SLC25A22: variants seen among roughly 807,000 people sequenced by gnomAD.
The protein encoded by SLC25A22 is mitochondrial glutamate carrier 1.
SLC25A22 carries 23 observed loss-of-function variants against 33.7 expected under a neutral mutation model. The ratio of observed to expected loss-of-function variants is 0.68; its 90% confidence interval spans 0.49 to 0.97. The LOEUF is 0.97. Ranked by LOEUF, SLC25A22 falls within the 50% of genes least tolerant of loss-of-function variation. The pLI is 0.00. For missense variants in SLC25A22, 390 were observed against 451.1 expected, an observed-to-expected ratio of 0.86 and a Z score of 1.23; for synonymous variants, 245 against 203.8, an observed-to-expected ratio of 1.20 and a Z score of -1.72.
In SLC25A22 at chr11:794,568, G is replaced by A. The variant is rs577754220; in HGVS notation, c.147-55C>T. On this transcript the variant is annotated intron_variant, in intron 3 of 9. Transcript: ENST00000628067. ...GCCAGCTGGGGCCAGCCGGAGGCCA[G>A]GGTCCCTGGACTGTCTAGGGCTGAT... is the stretch of plus-strand genomic sequence containing the variant. 8.8e-6 allele frequency: 14 copies of A among 1,596,044 alleles called. No individual in the cohort carries two copies. In the East Asian group the frequency reaches 3.2e-4, roughly 36 times the overall value.
chr11:793,365 C>A, intron 5 of SLC25A22, 164 bp downstream of exon 5: 1 of 700,984 alleles, frequency 1.4e-6, no homozygotes, highest in Non-Finnish European at 2.5e-6. Context: ...GCTTTGCTCC[C>A]CTGGTCAGGG....
rs1372653710 is a variant in SLC25A22 at position 793,618 on chromosome 11, T to C, written c.204A>G (p.Gly68=). 6 of 1,606,832 alleles carry C rather than the reference T, an allele frequency of 3.7e-6. No individual in the cohort carries two copies. The East Asian group carries it at 1.1e-4, about 30-fold the overall frequency. ...RSEGYFGMYR[G]AAVNLTLVTP... ...TGACGAGGGTCAAGTTCACAGCAGC[T>C]CCTGTGGGGCAGGGGGTCAGCTGGG... Residue 68 remains glycine, a splice_region_variant and synonymous_variant, in exon 5 of 10, where the codon GGA becomes GGG. Transcript: ENST00000628067.
At position 798,081 on chromosome 11, in the gene SLC25A22, AC is replaced by A. The variant is rs1312807369; in HGVS notation, c.-164+135del. On this transcript the variant is annotated intron_variant, in intron 1 of 9. Transcript: ENST00000628067. ...GGATCGGAGCATCCGCTGGTCCAGG[AC>A]CCCCCCTCCCGCCCGCCAGGCCACG... The A allele has an allele frequency of 6.6e-5, 26 of 394,224 alleles. No individual in the cohort carries two copies. The South Asian group carries it at 2.2e-3, about 34-fold the overall frequency. The allele number at this position is 394,224 out of a possible 1,614,324, so 24.4% of individuals were successfully genotyped here. A position where few individuals can be genotyped will look rare whatever the true frequency, so the allele number is the denominator to read the frequency against.
chr11:795,102 C>A lies in SLC25A22; in HGVS notation c.-96G>T. The A allele has an allele frequency of 2.1e-6, 3 of 1,435,714 alleles. No homozygotes were observed. The highest frequency in any genetic ancestry group is 5.0e-5 in the East Asian group (2 of 40,384). 88.9% of individuals were successfully genotyped at this position (1,435,714 alleles called of 1,614,324 possible). The stretch of plus-strand genomic sequence containing the variant: ...GAGGAGGCCTTGAGGGAGGGTGGGA[C>A]CCAGGGGGGTTGGGTGGTGCTCCAC... On this transcript the variant is annotated 5_prime_UTR_variant, in exon 2 of 10. Transcript: ENST00000628067.
Position 792,649 on chromosome 11 carries a change from G to A in SLC25A22, c.491C>T (p.Ala164Val), listed in dbSNP as rs1457453307. 1 of 1,579,064 alleles carries A rather than the reference G, an allele frequency of 6.3e-7. No individual in the cohort carries two copies. Among genetic ancestry groups the A allele is most frequent in the Admixed American group, 1.8e-5 (1 of 55,096 alleles). Residue 164 changes from alanine to valine, a missense_variant, in exon 7 of 10, where the codon GCT becomes GTT. Physicochemically the swap from Ala to Val is moderately conservative, Grantham distance 64 (BLOSUM62 0). Coordinates refer to ENST00000628067, the MANE Select transcript of SLC25A22 (RefSeq NM_001191061.2). ...CTGGGTGGCCGTGGGCCGAGGGGCA[G>A]CTGGAGCCTCCACTGAGGGCTGGGC... ...GGAQPSVEAP[A>V]APRPTATQLT... is the part of the protein sequence containing the mutation.
At chr11:794,325 C>G in intron 4 of SLC25A22, 133 bp downstream of exon 4, 1 of 1,060,090 alleles carries the variant, frequency 9.4e-7, no homozygotes, top group Non-Finnish European at 1.4e-6. Context: ...GGCACAGCCC[C>G]CACAAACACG....
At chr11:794,068 G>C in intron 4 of SLC25A22, 1 of 508,916 alleles carries the variant, frequency 2.0e-6, no homozygotes, top group Non-Finnish European at 3.7e-6. Flanking sequence ...CAGGGCTGGA[G>C]AGCTTCTGCC....
Position 791,837 on chromosome 11 carries a change from C to T in SLC25A22, c.*78G>A, listed in dbSNP as rs1864535330. ...AGGGCTGGGGAGGGGTCTTCCCTTG[C>T]TCCGTCCTGGGCTAGCTGCCTGGCT... On this transcript the variant is annotated 3_prime_UTR_variant, in exon 10 of 10. Transcript: ENST00000628067. 1.3e-6 allele frequency: 2 copies of T among 1,498,422 alleles called. No individual in the cohort carries two copies. The highest frequency in any genetic ancestry group is 2.1e-5 in the Admixed American group (1 of 48,320). 92.8% of individuals were successfully genotyped at this position (1,498,422 alleles called of 1,614,324 possible). A position where few individuals can be genotyped will look rare whatever the true frequency, so the allele number is the denominator to read the frequency against.
chr11:795,160 C>A lies in SLC25A22; in HGVS notation c.-154G>T. The A allele has an allele frequency of 1.1e-6, 1 of 885,430 alleles. No homozygotes were observed. The highest frequency in any genetic ancestry group is 1.8e-6 in the Non-Finnish European group (1 of 555,254). 54.8% of individuals were successfully genotyped at this position (885,430 alleles called of 1,614,324 possible). A position where few individuals can be genotyped will look rare whatever the true frequency, so the allele number is the denominator to read the frequency against. ...GGAATTTCCAGGCGTCAGCAACCGC[C>A]ACTTCTGTCCTAGAAGGATGAGGGA... On this transcript the variant is annotated 5_prime_UTR_variant, in exon 2 of 10. Transcript: ENST00000628067.
chr11:794,473 A>G lies in SLC25A22; in HGVS notation c.187T>C (p.Phe63Leu). ...LIKTVRSEGY[F>L]GMYRGAAVNL... is the part of the protein sequence containing the mutation. ...CAAACCTCACCCCGGTACATGCCGA[A>G]GTAGCCCTCGGAGCGGACGGTCTTG... The change falls in exon 4 of 10, where the codon TTC (phenylalanine) becomes CTC (leucine). Residue 63 changes from phenylalanine to leucine, a missense_variant. Physicochemically the swap from Phe to Leu is conservative, Grantham distance 22. Transcript: ENST00000628067. 1.2e-6 allele frequency: 2 copies of G among 1,613,062 alleles called. No homozygotes were observed. The highest frequency in any genetic ancestry group is 1.7e-6 in the Non-Finnish European group (2 of 1,179,886).
At position 791,775 on chromosome 11, in the gene SLC25A22, A is replaced by G; in HGVS notation, c.*140T>C. Reference sequence around the variant, plus strand: ...GCTTGCGTGTGCACCACCTATGTGGACCCTGCACCCTGCCCCCTGCTGCCC... The same window carrying G: ...GCTTGCGTGTGCACCACCTATGTGGGCCCTGCACCCTGCCCCCTGCTGCCC... On this transcript the variant is annotated 3_prime_UTR_variant, in exon 10 of 10. Transcript: ENST00000628067. 1 of 1,200,834 alleles carries G rather than the reference A, an allele frequency of 8.3e-7. No individual in the cohort carries two copies. Among genetic ancestry groups the G allele is most frequent in the Non-Finnish European group, 1.1e-6 (1 of 880,194 alleles). The allele number at this position is 1,200,834 out of a possible 1,614,324, so 74.4% of individuals were successfully genotyped here. A position where few individuals can be genotyped will look rare whatever the true frequency, so the allele number is the denominator to read the frequency against.
chr11:795,367 TCC>T (rs1361777569), intron 1 of SLC25A22, 198 bp from the exon 2 acceptor site: 1 of 160,508 alleles, frequency 6.2e-6, no homozygotes. Flanking sequence ...TTCCTTTCAG[TCC>T]CCCCCTCCCC....
At chr11:796,944 C>T (rs972019533) in intron 1 of SLC25A22, among the ~76,000 whole-genome samples, 1 of 152,196 alleles carries the variant, frequency 6.6e-6, no homozygotes, top group African/African-American at 2.4e-5. Flanking sequence ...CTAGCCCCCC[C>T]CACCCCTGCC....
intron 1 of SLC25A22, chr11:795,895 G>A (rs572635205): frequency 1.3e-5 from 2 of 153,792 alleles, no homozygotes; most frequent in Admixed American, 6.5e-5. Flanking sequence ...TACAGAGGAG[G>A]AGAGGACAGG....
chr11:795,444 C>A (rs1346044265), intron 1 of SLC25A22: 1 of 330,738 alleles, frequency 3.0e-6, no homozygotes, highest in Admixed American at 4.0e-5. Context: ...TGCACCCCAG[C>A]CAGCTCCGGC....
chr11:793,646 G>A (rs749157687), intron 4 of SLC25A22, 27 bp from the exon 5 acceptor site: 1 of 1,544,832 alleles, frequency 6.5e-7, no homozygotes, highest in Non-Finnish European at 8.9e-7. Flanking sequence ...CAGCTGGGGG[G>A]ACATGCTCGG....
At position 791,748 on chromosome 11, in the gene SLC25A22, G is replaced by A. The variant is rs1049832499; in HGVS notation, c.*167C>T. 1.0e-5 allele frequency: 9 copies of A among 877,498 alleles called. No homozygotes were observed. The highest frequency in any genetic ancestry group is 3.6e-5 in the South Asian group (2 of 56,260). 54.4% of individuals were successfully genotyped at this position (877,498 alleles called of 1,614,324 possible). On this transcript the variant is annotated 3_prime_UTR_variant, in exon 10 of 10. Coordinates refer to ENST00000628067, the MANE Select transcript of SLC25A22 (RefSeq NM_001191061.2). ...CCAACGGTGCAGGCAGCACCCCGGGGGGCTTGCGTGTGCACCACCTATGTG... is the reference window on the plus strand; with the variant it reads ...CCAACGGTGCAGGCAGCACCCCGGGAGGCTTGCGTGTGCACCACCTATGTG...
chr11:790,640 G>T lies in SLC25A22; in HGVS notation c.*1275C>A, dbSNP rs1040455145. On this transcript the variant is annotated 3_prime_UTR_variant, in exon 10 of 10. Transcript: ENST00000628067. The stretch of plus-strand genomic sequence containing the variant: ...CTCCCAGGAGCAACCGTGAACTGGG[G>T]GGGTCCAGGCCTGAGCCCCAGGTAG... 6.6e-6 allele frequency: 1 copy of T among 152,288 alleles called. No individual in the cohort carries two copies. Among genetic ancestry groups the T allele is most frequent in the African/African-American group, 2.4e-5 (1 of 41,460 alleles). The allele number at this position is 152,288 out of a possible 1,614,324, so 9.4% of individuals were successfully genotyped here.
chr11:791,710 T>G lies in SLC25A22; in HGVS notation c.*205A>C. ...AAGATTTCTGCATTTTCTACATAAATGAGACATTGATCCCAACGGTGCAGG... is the reference window on the plus strand; with the variant it reads ...AAGATTTCTGCATTTTCTACATAAAGGAGACATTGATCCCAACGGTGCAGG... On this transcript the variant is annotated 3_prime_UTR_variant, in exon 10 of 10. Coordinates refer to ENST00000628067, the MANE Select transcript of SLC25A22 (RefSeq NM_001191061.2). The G allele has an allele frequency of 9.3e-6, 6 of 643,334 alleles. No individual in the cohort carries two copies. Among genetic ancestry groups the G allele is most frequent in the Non-Finnish European group, 1.6e-5 (6 of 377,482 alleles). The allele number at this position is 643,334 out of a possible 1,614,324, so 39.9% of individuals were successfully genotyped here.
Sources: gnomAD v4.1 joint callset for allele counts (sites outside exome capture counted in the v4.1 genomes callset) on GRCh38, gnomAD v4.1.1 for gene constraint, MANE v1.5 for transcripts, NCBI Gene and HGNC (gene_info 2026-07-23, HGNC 2026-07-21) for gene names.